TRPS1: variants seen among roughly 807,000 people sequenced by gnomAD.
The protein encoded by TRPS1 is transcriptional repressor GATA binding 1.
Under a neutral mutation model 101.2 loss-of-function variants are expected in TRPS1, and 6 were observed. The observed-to-expected ratio is 0.06, with a 90% CI of 0.03 to 0.12. The LOEUF is 0.12. Ranked by LOEUF, TRPS1 falls within the 10% of genes least tolerant of loss-of-function variation. TRPS1 has a pLI of 1.00. For missense variants in TRPS1, 1,363 were observed against 1,567.0 expected, an observed-to-expected ratio of 0.87 and a Z score of 2.20; for synonymous variants, 578 against 589.8, an observed-to-expected ratio of 0.98 and a Z score of 0.29.
At chr8:115,533,179 G>A (rs1816176883) in intron 5 of TRPS1, among the ~76,000 whole-genome samples, 2 of 152,204 alleles carry the variant, frequency 1.3e-5, no homozygotes, top group Admixed American at 6.5e-5. Flanking sequence ...AACTTTTAAT[G>A]GCTCAAAAAC....
chr8:115,559,496 G>C (rs1816899111), intron 5 of TRPS1, among the ~76,000 whole-genome samples: 1 of 152,004 alleles, frequency 6.6e-6, no homozygotes, highest in Admixed American at 6.6e-5. Context: ...TATTACCCTT[G>C]AATGTTCAGA....
chr8:115,573,683 G>T (rs773922884), intron 5 of TRPS1, among the ~76,000 whole-genome samples: 1 of 152,048 alleles, frequency 6.6e-6, no homozygotes, highest in Admixed American at 6.6e-5. Context: ...TCCTGGAATG[G>T]TTCCCTATTT....
chr8:115,452,873 G>A (rs1019856809), intron 5 of TRPS1, among the ~76,000 whole-genome samples: 4 of 152,032 alleles, frequency 2.6e-5, no homozygotes, highest in African/African-American at 7.2e-5. Flanking sequence ...ATAAAATGTC[G>A]CATCACCATT....
At chr8:115,485,395 C>T (rs1045461350) in intron 5 of TRPS1, among the ~76,000 whole-genome samples, 8 of 152,158 alleles carry the variant, frequency 5.3e-5, no homozygotes, top group Non-Finnish European at 1.2e-4. Flanking sequence ...GTAGTGAGAC[C>T]CTGAACAGAA....
chr8:115,450,711 G>GA (rs1052649163), intron 5 of TRPS1, among the ~76,000 whole-genome samples: 1 of 151,908 alleles, frequency 6.6e-6, no homozygotes, highest in African/African-American at 2.4e-5. Flanking sequence ...ACATATACAT[G>GA]AAAAAAACCC....
chr8:115,413,735 C>A lies in TRPS1; in HGVS notation c.*288G>T. On this transcript the variant is annotated 3_prime_UTR_variant, in exon 7 of 7. Coordinates refer to ENST00000395715, the MANE Select transcript of TRPS1 (RefSeq NM_014112.5). ...TATTAATTCTAGTCTGGTGATATCTCTTATGGATTATTTCCCCAGTACATA... is the reference window on the plus strand; with the variant it reads ...TATTAATTCTAGTCTGGTGATATCTATTATGGATTATTTCCCCAGTACATA... The A allele has an allele frequency of 2.7e-6, 1 of 376,110 alleles. No homozygotes were observed. Among genetic ancestry groups the A allele is most frequent in the Non-Finnish European group, 4.8e-6 (1 of 207,042 alleles). The allele number at this position is 376,110 out of a possible 1,614,324, so 23.3% of individuals were successfully genotyped here.
At chr8:115,529,407 T>C (rs964255863) in intron 5 of TRPS1, among the ~76,000 whole-genome samples, 5 of 152,128 alleles carry the variant, frequency 3.3e-5, no homozygotes, top group Admixed American at 2.0e-4. Flanking sequence ...ACACGATATA[T>C]ATTTTCATTA....
intron 6 of TRPS1, among the ~76,000 whole-genome samples, chr8:115,417,779 C>T (rs556375788): frequency 2.7e-4 from 41 of 152,248 alleles, no homozygotes; most frequent in African/African-American, 9.6e-4. Flanking sequence ...TTGAAATACC[C>T]ACTGAAGGCC....
chr8:115,415,006 G>C lies in TRPS1; in HGVS notation c.2902C>G (p.Pro968Ala), dbSNP rs781413961. 1 of 1,577,078 alleles carries C rather than the reference G, an allele frequency of 6.3e-7. No homozygotes were observed. Among genetic ancestry groups the C allele is most frequent in the East Asian group, 2.2e-5 (1 of 44,780 alleles). ...AGCTGCTCAGCCTGAAGTGCCTCTG[G>C]GTTAAGGCGCTTTCTTGTTCTCCTC... ...IRRRTRKRLN[P>A]EALQAEQLNK... The change falls in exon 7 of 7, where the codon CCA becomes GCA. Residue 968 changes from proline (P) to alanine (A), a missense_variant. This residue lies in a region of TRPS1 where 307 missense variants were observed against 392.4 expected (regional missense o/e 0.78). Transcript: ENST00000395715.
At chr8:115,640,145 A>G (rs567303085) in intron 1 of TRPS1, among the ~76,000 whole-genome samples, 1 of 152,330 alleles carries the variant, frequency 6.6e-6, no homozygotes, top group African/African-American at 2.4e-5. Context: ...TATACTTGAT[A>G]ATTTCAAAAA....
intron 1 of TRPS1, among the ~76,000 whole-genome samples, chr8:115,653,056 TAAAC>T (rs1283716646): frequency 2.6e-5 from 4 of 152,190 alleles, no homozygotes; most frequent in East Asian, 1.9e-4. Flanking sequence ...TGTTTTCTGA[TAAAC>T]AAAGCCCAGA....
At chr8:115,478,619 C>A (rs1814665286) in intron 5 of TRPS1, among the ~76,000 whole-genome samples, 1 of 151,944 alleles carries the variant, frequency 6.6e-6, no homozygotes, top group African/African-American at 2.4e-5. Flanking sequence ...GCCCGGCCAA[C>A]ATGGTGAAAC....
At chr8:115,644,829 A>T (rs1818984858) in intron 1 of TRPS1, among the ~76,000 whole-genome samples, 1 of 152,178 alleles carries the variant, frequency 6.6e-6, no homozygotes, top group Non-Finnish European at 1.5e-5. Flanking sequence ...TTTCAAAATC[A>T]TTATGTCTCA....
At chr8:115,424,456 G>C (rs930213368) in intron 5 of TRPS1, among the ~76,000 whole-genome samples, 1 of 152,170 alleles carries the variant, frequency 6.6e-6, no homozygotes, top group Non-Finnish European at 1.5e-5. Context: ...CTACAAGCCA[G>C]GGTCACAGCG....
intron 5 of TRPS1, among the ~76,000 whole-genome samples, chr8:115,527,026 T>C (rs1035925227): frequency 1.3e-5 from 2 of 152,146 alleles, no homozygotes; most frequent in Non-Finnish European, 2.9e-5. Flanking sequence ...CCCAGCATCC[T>C]TTGGGAACAT....
Position 115,650,566 on chromosome 8 carries a change from C to CTGATTTA in TRPS1, c.-122+17978_-122+17979insTAAATCA, listed in dbSNP as rs1311429007. On this transcript the variant is annotated intron_variant, in intron 1 of 6. Transcript: ENST00000395715. ...TAAATGTTAAATCAAAGGGACTTCC[C>CTGATTTA]AATTGTCAGATAAAATAATTCTTTT... is the stretch of plus-strand genomic sequence containing the variant. Among the ~76,000 whole-genome samples, 376 of 151,964 alleles carry CTGATTTA rather than the reference C, an allele frequency of 2.5e-3. 2 individuals carry two copies. The highest frequency in any genetic ancestry group is 8.7e-3 in the African/African-American group (361 of 41,424).
At position 115,619,765 on chromosome 8, in the gene TRPS1, G is replaced by C; in HGVS notation, c.333C>G (p.Pro111=). 1 of 1,614,202 alleles carries C rather than the reference G, an allele frequency of 6.2e-7. No homozygotes were observed. The highest frequency in any genetic ancestry group is 8.5e-7 in the Non-Finnish European group (1 of 1,180,038). The change falls in exon 3 of 7, where the codon CCC becomes CCG. Residue 111 remains proline (P), a synonymous_variant. Transcript: ENST00000395715. The part of the protein sequence containing the change: ...YESPSKGGNF[P]SFPHDEVTDR... ...CTGTCACCTCATCATGCGGAAAGGA[G>C]GGAAAGTTTCCTCCCTTACTGGGGC...
At chr8:115,438,388 A>C (rs552666609) in intron 5 of TRPS1, among the ~76,000 whole-genome samples, 1 of 152,346 alleles carries the variant, frequency 6.6e-6, no homozygotes, top group Admixed American at 6.5e-5. Context: ...AAGCCACATA[A>C]GCAAAGACCT....
At chr8:115,651,446 C>T (rs1473424988) in intron 1 of TRPS1, among the ~76,000 whole-genome samples, 2 of 152,206 alleles carry the variant, frequency 1.3e-5, no homozygotes, top group African/African-American at 4.8e-5. Context: ...ACCTGACAAA[C>T]CAATTTCACA....
Sources: allele counts gnomAD v4.1 joint callset (sites outside exome capture counted in the v4.1 genomes callset), GRCh38; gene constraint gnomAD v4.1.1; regional missense constraint gnomAD v4.1.1; transcripts MANE v1.5; gene names NCBI Gene and HGNC (gene_info 2026-07-23, HGNC 2026-07-21).